Variants in CIDEA observed in about 807,000 individuals in gnomAD.
CIDEA encodes lipid transferase CIDEA.
CIDEA carries 10 observed loss-of-function variants against 18.2 expected under a neutral mutation model. The ratio of observed to expected loss-of-function variants is 0.55; its 90% confidence interval spans 0.34 to 0.93. The LOEUF (loss-of-function observed/expected upper bound fraction) is 0.93, where lower values mean the gene tolerates loss of function less well. CIDEA is among the 40% of genes least tolerant of loss of function. The pLI, the probability that CIDEA is intolerant of heterozygous loss-of-function variation, is 0.02. For synonymous variants in CIDEA, 128 were observed against 124.8 expected (o/e 1.03, Z -0.17); for missense variants, 309 against 293.1 (o/e 1.05, Z -0.40).
At chr18:12,276,800 G>C (rs933445254) in intron 4 of CIDEA, among the ~76,000 whole-genome samples, 6 of 152,218 alleles carry the variant, frequency 3.9e-5, no homozygotes, top group African/African-American at 9.6e-5. Flanking sequence ...GCTCCACACA[G>C]AGCTTGCCAG....
At chr18:12,275,877 T>C (rs1488994635) in intron 4 of CIDEA, among the ~76,000 whole-genome samples, 1 of 152,152 alleles carries the variant, frequency 6.6e-6, no homozygotes, top group Non-Finnish European at 1.5e-5. Context: ...AAAATAGCTT[T>C]ACACTTGGAT....
At chr18:12,275,088 C>T (rs188123873) in intron 4 of CIDEA, among the ~76,000 whole-genome samples, 448 of 152,272 alleles carry the variant, frequency 2.9e-3, no homozygotes, top group Non-Finnish European at 5.2e-3. Context: ...TTTGGGAGGC[C>T]AAGGTCAGCA....
chr18:12,277,479 G>A lies in CIDEA; in HGVS notation c.*209G>A. The A allele has an allele frequency of 1.7e-6, 1 of 581,496 alleles. No homozygotes were observed. The highest frequency in any genetic ancestry group is 3.0e-6 in the Non-Finnish European group (1 of 333,214). The allele number at this position is 581,496 out of a possible 1,614,324, so 36.0% of individuals were successfully genotyped here. A position where few individuals can be genotyped will look rare whatever the true frequency, so the allele number is the denominator to read the frequency against. ...GTGCCCTGGGGGGGAGGCATAGAGG[G>A]CCCTGGGGGTCATGGGAAGCGAGCA... is the stretch of plus-strand genomic sequence containing the variant. On this transcript the variant is annotated 3_prime_UTR_variant, in exon 5 of 5. Coordinates refer to ENST00000320477, the MANE Select transcript of CIDEA (RefSeq NM_001279.4).
chr18:12,262,837 T>G lies in CIDEA; in HGVS notation c.51T>G (p.Phe17Leu). The G allele has an allele frequency of 6.2e-7, 1 of 1,613,424 alleles. No homozygotes were observed. The highest frequency in any genetic ancestry group is 2.2e-5 in the East Asian group (1 of 44,846). ...CCTCCATTTTCAGGCCCCTGACATT[T>G]ATGGGATCACAGACTAAGCGAGTCC... ...YAGALIRPLT[F>L]MGSQTKRVLF... Residue 17 changes from phenylalanine (F) to leucine (L), a missense_variant, in exon 2 of 5, where the codon TTT (phenylalanine) becomes TTG (leucine). Coordinates refer to ENST00000320477, the MANE Select transcript of CIDEA (RefSeq NM_001279.4).
intron 2 of CIDEA, 130 bp downstream of exon 2, chr18:12,263,099 A>G: frequency 1.1e-6 from 1 of 902,582 alleles, no homozygotes; most frequent in Non-Finnish European, 1.6e-6. Context: ...CTGGGGGGAA[A>G]CGGGGAGAGA....
intron 4 of CIDEA, 136 bp from the exon 5 acceptor site, chr18:12,276,987 A>G: frequency 1.0e-6 from 1 of 954,538 alleles, no homozygotes; most frequent in Non-Finnish European, 1.6e-6. Context: ...TCTGAGAGTC[A>G]GACAGCCATG....
intron 3 of CIDEA, among the ~76,000 whole-genome samples, chr18:12,268,248 T>TTTTTTTG: frequency 6.9e-6 from 1 of 145,066 alleles, no homozygotes; most frequent in African/African-American, 2.5e-5. Flanking sequence ...TTTTTTTTTT[T>TTTTTTTG]TTTTCATTTT....
intron 4 of CIDEA, 58 bp downstream of exon 4, chr18:12,274,332 G>A (rs144985005): frequency 6.5e-7 from 1 of 1,546,710 alleles, no homozygotes; most frequent in South Asian, 1.1e-5. Context: ...GTGTGGCACA[G>A]GCAGCAGTCC....
At chr18:12,266,258 A>T (rs1568103571) in intron 3 of CIDEA, among the ~76,000 whole-genome samples, 1 of 152,012 alleles carries the variant, frequency 6.6e-6, no homozygotes, top group African/African-American at 2.4e-5. Flanking sequence ...AGAAAATACC[A>T]GCCTGAGCAA....
chr18:12,266,763 T>C (rs545702771), intron 3 of CIDEA, among the ~76,000 whole-genome samples: 1 of 49,944 alleles, frequency 2.0e-5, no homozygotes, highest in South Asian at 5.7e-4. Flanking sequence ...GCACAAGTCA[T>C]TTTTTTTTTT....
chr18:12,257,373 C>A (rs560322478), intron 1 of CIDEA, among the ~76,000 whole-genome samples: 23 of 152,288 alleles, frequency 1.5e-4, no homozygotes, highest in African/African-American at 5.5e-4. Context: ...ACCCATGACA[C>A]CAAAATATTT....
At chr18:12,255,286 G>A (rs1039055932) in intron 1 of CIDEA, among the ~76,000 whole-genome samples, 1 of 152,220 alleles carries the variant, frequency 6.6e-6, no homozygotes, top group South Asian at 2.1e-4. Context: ...AGGTGCAGGC[G>A]TTCAGCGGCG....
chr18:12,277,371 G>C lies in CIDEA; in HGVS notation c.*101G>C, dbSNP rs1905379500. 3 of 1,306,016 alleles carry C rather than the reference G, an allele frequency of 2.3e-6. No homozygotes were observed. The East Asian group carries it at 7.4e-5, about 32-fold the overall frequency. 80.9% of individuals were successfully genotyped at this position (1,306,016 alleles called of 1,614,324 possible). ...TTATGTTCTGAGCCACATGCACTTG[G>C]AGGCCGCTGGTCACGCTGCTCAGGA... is the stretch of plus-strand genomic sequence containing the variant. On this transcript the variant is annotated 3_prime_UTR_variant, in exon 5 of 5. Coordinates refer to ENST00000320477, the MANE Select transcript of CIDEA (RefSeq NM_001279.4).
intron 4 of CIDEA, among the ~76,000 whole-genome samples, chr18:12,275,113 A>T (rs1299206520): frequency 6.6e-6 from 1 of 152,252 alleles, no homozygotes; most frequent in Admixed American, 6.5e-5. Flanking sequence ...ACTTGAGGCC[A>T]AGAGTTCGAG....
At chr18:12,268,379 G>C (rs577880060) in intron 3 of CIDEA, among the ~76,000 whole-genome samples, 61 of 123,104 alleles carry the variant, frequency 5.0e-4, no homozygotes, top group African/African-American at 2.2e-3. Flanking sequence ...CGCCCCCAGT[G>C]GTTTTTTTTT....
At chr18:12,272,149 T>TGGGGGGGGGGGGGGGG (rs1376535544) in intron 3 of CIDEA, among the ~76,000 whole-genome samples, 1 of 7,492 alleles carries the variant, frequency 1.3e-4, no homozygotes, top group African/African-American at 4.9e-4. Flanking sequence ...AGTGTGTGTG[T>TGGGGGGGGGGGGGGGG]GGGGGGGGGG....
At chr18:12,266,430 C>T (rs1912350899) in intron 3 of CIDEA, among the ~76,000 whole-genome samples, 1 of 152,000 alleles carries the variant, frequency 6.6e-6, no homozygotes, top group South Asian at 2.1e-4. Context: ...ACTCCAGCCC[C>T]AGGGACAGAG....
In CIDEA at chr18:12,264,388, T is replaced by A; in HGVS notation, c.265T>A (p.Phe89Ile). ...EDGTVVDTEE[F>I]FQTLGDNTHF... The stretch of plus-strand genomic sequence containing the variant: ...TGGCACCGTGGTGGACACAGAAGAG[T>A]TCTTTCAGACCTTGGGAGACAACAC... Residue 89 changes from phenylalanine (F) to isoleucine (I), a missense_variant, in exon 3 of 5, where the codon TTC becomes ATC. Transcript: ENST00000320477. 1 of 1,613,882 alleles carries A rather than the reference T, an allele frequency of 6.2e-7. No individual in the cohort carries two copies. Among genetic ancestry groups the A allele is most frequent in the Admixed American group, 1.7e-5 (1 of 59,984 alleles).
chr18:12,277,409 A>G lies in CIDEA; in HGVS notation c.*139A>G. On this transcript the variant is annotated 3_prime_UTR_variant, in exon 5 of 5. Transcript: ENST00000320477. The stretch of plus-strand genomic sequence containing the variant: ...ACGCTGCTCAGGAGTGGTGCCCAGA[A>G]AAGGAAAGGGCTTGGTGGTACATGA... 1.1e-6 allele frequency: 1 copy of G among 930,634 alleles called. No individual in the cohort carries two copies. Among genetic ancestry groups the G allele is most frequent in the Non-Finnish European group, 1.6e-6 (1 of 635,088 alleles). 57.6% of individuals were successfully genotyped at this position (930,634 alleles called of 1,614,324 possible).
Sources: allele counts gnomAD v4.1 joint callset (sites outside exome capture counted in the v4.1 genomes callset), GRCh38; gene constraint gnomAD v4.1.1; transcripts MANE v1.5; gene names NCBI Gene and HGNC (gene_info 2026-07-23, HGNC 2026-07-21).